OGG1: variants seen among roughly 807,000 people sequenced by gnomAD.
OGG1 encodes 8-oxoguanine DNA glycosylase.
In OGG1, 35 loss-of-function variants were observed where a neutral mutation model predicts 42.3. The observed-to-expected ratio is 0.83, with a 90% CI of 0.63 to 1.10. The LOEUF (loss-of-function observed/expected upper bound fraction) is 1.10. Ranked by LOEUF, OGG1 falls within the 50% of genes least tolerant of loss-of-function variation. The pLI is 0.00. For synonymous variants in OGG1, 189 were observed against 179.0 expected, an observed-to-expected ratio of 1.06 and a Z score of -0.44; for missense variants, 484 against 446.7, an observed-to-expected ratio of 1.08 and a Z score of -0.75.
intron 3 of OGG1, among the ~76,000 whole-genome samples, chr3:9,754,291 TG>T (rs985687715): frequency 6.6e-6 from 1 of 152,238 alleles, no homozygotes; most frequent in African/African-American, 2.4e-5. Flanking sequence ...GTGGGGTTCT[TG>T]GGAAAAGTAA....
chr3:9,774,369 A>T (rs752042581), intron 2 of OGG1, among the ~76,000 whole-genome samples: 1 of 145,860 alleles, frequency 6.9e-6, no homozygotes. Flanking sequence ...AGATTGCACC[A>T]TTGCACTCCA....
chr3:9,766,027 C>T (rs1365250986), exon 8 of OGG1: 3 of 1,612,592 alleles, frequency 1.9e-6, no homozygotes, highest in Admixed American at 3.3e-5. Flanking sequence ...CTCATCCATC[C>T]CCTGGCTCCA....
intron 3 of OGG1, chr3:9,785,446 G>A (rs778210120): frequency 1.9e-6 from 3 of 1,559,336 alleles, no homozygotes; most frequent in South Asian, 2.2e-5. Flanking sequence ...ACAAAAATGA[G>A]TGGAAGGAAA....
chr3:9,772,455 T>C (rs1382032596), intron 2 of OGG1, among the ~76,000 whole-genome samples: 1 of 152,212 alleles, frequency 6.6e-6, no homozygotes, highest in African/African-American at 2.4e-5. Context: ...GTAGTACTCA[T>C]AGGATTTGCT....
At chr3:9,761,365 AAGGGAGGGCAG>A, downstream of OGG1, 2 of 1,257,484 alleles carry the variant, frequency 1.6e-6, no homozygotes, top group Admixed American at 2.3e-5. Flanking sequence ...GGAGGGAAGG[AAGGGAGGGCAG>A]AGGGAGAGCA....
chr3:9,780,027 G>A, intron 2 of OGG1: 1 of 236,552 alleles, frequency 4.2e-6, no homozygotes, highest in Non-Finnish European at 8.1e-6. Flanking sequence ...AAAACCACAA[G>A]GGAGAAGTCC....
intron 1 of OGG1, 110 bp downstream of exon 1, chr3:9,750,533 G>T (rs1009544741): frequency 2.7e-5 from 41 of 1,494,072 alleles, no homozygotes; most frequent in Non-Finnish European, 3.6e-5. Flanking sequence ...GAAACCCGGG[G>T]TACAAAAGAG....
intron 3 of OGG1, among the ~76,000 whole-genome samples, chr3:9,785,672 T>C (rs1318158922): frequency 5.3e-5 from 8 of 152,234 alleles, no homozygotes; most frequent in African/African-American, 1.9e-4. Context: ...ATGATGGTAA[T>C]GAACAGCTAA....
intron 7 of OGG1, among the ~76,000 whole-genome samples, chr3:9,764,628 GTTT>G (rs55972033): frequency 4.3e-5 from 4 of 92,320 alleles, no homozygotes; most frequent in African/African-American, 8.6e-5. Flanking sequence ...TTTTTTTTTT[GTTT>G]TTTTTTTTTT....
intron 2 of OGG1, 84 bp downstream of exon 2, chr3:9,751,276 G>A (rs2077292062): frequency 1.4e-6 from 2 of 1,389,642 alleles, no homozygotes; most frequent in Admixed American, 1.9e-5. Flanking sequence ...TGTAAAATGG[G>A]GATTATATCT....
chr3:9,777,780 C>A (rs1274494060), intron 2 of OGG1, among the ~76,000 whole-genome samples: 1 of 152,216 alleles, frequency 6.6e-6, no homozygotes, highest in South Asian at 2.1e-4. Context: ...ACAAAACTGT[C>A]TCTGTTCTTG....
chr3:9,780,352 G>T, intron 2 of OGG1: 1 of 1,609,622 alleles, frequency 6.2e-7, no homozygotes, highest in Non-Finnish European at 8.5e-7. Context: ...AGGCAGGGGT[G>T]AGGGCTACCC....
rs1169822312 is a variant in OGG1 at position 9,756,519 on chromosome 3, C to T, written c.796C>T (p.Pro266Ser). The T allele has an allele frequency of 1.9e-6, 3 of 1,614,000 alleles. No homozygotes were observed. The African/African-American group carries it at 4.0e-5, about 22-fold the overall frequency. Residue 266 changes from proline to serine, a missense_variant, in exon 5 of 7, where the codon CCC becomes TCC. Pro to Ser is a moderately conservative substitution (Grantham distance 74, BLOSUM62 -1). Coordinates refer to ENST00000344629, the MANE Select transcript of OGG1 (RefSeq NM_002542.6). ...LMALDKPQAV[P>S]VDVHMWHIAQ... ...GGCCCTAGACAAGCCCCAGGCTGTG[C>T]CCGTGGATGTCCATATGTGGCACAT...
chr3:9,757,836 T>C (rs1215876523), downstream of OGG1: 2 of 1,605,816 alleles, frequency 1.2e-6, no homozygotes, highest in Admixed American at 3.3e-5. The surrounding 1 kb of genome is among the most constrained non-coding windows in gnomAD (Gnocchi z 4.5). Flanking sequence ...AGCCGTGGCA[T>C]TGAAGGCTTG....
rs1389692402 is a variant in OGG1, at chr3:9,750,082, G to C, written c.-205G>C. 2 of 647,320 alleles carry C rather than the reference G, an allele frequency of 3.1e-6. No individual in the cohort carries two copies. The highest frequency in any genetic ancestry group is 3.7e-5 in the African/African-American group (2 of 54,776). 40.1% of individuals were successfully genotyped at this position (647,320 alleles called of 1,614,324 possible). A position where few individuals can be genotyped will look rare whatever the true frequency, so the allele number is the denominator to read the frequency against. On this transcript the variant is annotated 5_prime_UTR_variant, in exon 1 of 7. Coordinates refer to ENST00000344629, the MANE Select transcript of OGG1 (RefSeq NM_002542.6). ...ACACCTCAGGAAAGCCGGAGAATTG[G>C]GGCACGAAGCGGGGCTTTGATGACC...
intron 3 of OGG1, chr3:9,787,329 C>T (rs781695056): frequency 1.2e-6 from 2 of 1,611,892 alleles, no homozygotes; most frequent in Non-Finnish European, 1.7e-6. Context: ...AGTGCTTCCC[C>T]AGGGGTGGGA....
downstream of OGG1, chr3:9,757,468 C>T (rs769449707): frequency 4.5e-5 from 72 of 1,602,746 alleles, no homozygotes; most frequent in Non-Finnish European, 5.7e-5. This position sits in a 1 kb window ranked among gnomAD's most constrained non-coding sequence, Gnocchi z 4.5. Context: ...ACTCCCGGTT[C>T]AGGGAGGGAA....
chr3:9,756,082 C>T (rs1043535112), intron 4 of OGG1, among the ~76,000 whole-genome samples: 12 of 152,050 alleles, frequency 7.9e-5, no homozygotes, highest in Non-Finnish European at 1.6e-4. Context: ...TTTGGGAGGC[C>T]AAGGTGGACA....
At chr3:9,782,923 G>C (rs763796145) in intron 3 of OGG1, among the ~76,000 whole-genome samples, 1 of 152,190 alleles carries the variant, frequency 6.6e-6, no homozygotes, top group Non-Finnish European at 1.5e-5. Flanking sequence ...TTTACCTAAA[G>C]GGTAGCTATT....
Sources: gnomAD v4.1 joint callset for allele counts (sites outside exome capture counted in the v4.1 genomes callset) on GRCh38, gnomAD v4.1.1 for gene constraint, Gnocchi (gnomAD v3.1) non-coding constraint, MANE v1.5 for transcripts, NCBI Gene and HGNC (gene_info 2026-07-23, HGNC 2026-07-21) for gene names.